TMED3: variants seen among roughly 807,000 people sequenced by gnomAD.
TMED3 encodes the protein transmembrane p24 trafficking protein 3, also known as transmembrane emp24 domain-containing protein 3.
In TMED3, 9 loss-of-function variants were observed where a neutral mutation model predicts 15.0. That is an observed-to-expected ratio of 0.60 (90% CI 0.36 to 1.04). TMED3 has a LOEUF of 1.04. TMED3 is among the 50% of genes least tolerant of loss of function. The pLI is 0.01. For missense variants in TMED3, 267 were observed against 278.9 expected, an observed-to-expected ratio of 0.96 and a Z score of 0.30; for synonymous variants, 117 against 121.4, an observed-to-expected ratio of 0.96 and a Z score of 0.24.
intron 2 of TMED3, among the ~76,000 whole-genome samples, chr15:79,339,760 A>C (rs2058843438): frequency 6.6e-6 from 1 of 150,514 alleles, no homozygotes; most frequent in Non-Finnish European, 1.5e-5. Flanking sequence ...GATAGTGGTG[A>C]TTATGGTGGT....
chr15:79,355,701 C>T (rs2058916202), intron 2 of TMED3, among the ~76,000 whole-genome samples: 1 of 152,152 alleles, frequency 6.6e-6, no homozygotes. Context: ...TCAGACTAGT[C>T]TCGGGATCTG....
intron 2 of TMED3, among the ~76,000 whole-genome samples, chr15:79,344,582 C>T (rs959496010): frequency 3.9e-5 from 6 of 152,114 alleles, no homozygotes; most frequent in African/African-American, 1.4e-4. Flanking sequence ...GATTTAGGGT[C>T]CTCTAATGCA....
At chr15:79,345,439 G>C (rs1185124647) in intron 2 of TMED3, among the ~76,000 whole-genome samples, 1 of 152,164 alleles carries the variant, frequency 6.6e-6, no homozygotes, top group East Asian at 1.9e-4. Flanking sequence ...TAAGGATAAT[G>C]ACCTCCAGCT....
At chr15:79,321,798 T>C (rs954239038) in intron 2 of TMED3, among the ~76,000 whole-genome samples, 180 bp from the exon 3 acceptor site, 8 of 152,228 alleles carry the variant, frequency 5.3e-5, no homozygotes, top group African/African-American at 9.6e-5. Context: ...ACTTAACCTC[T>C]CTGAGCTTCA....
chr15:79,401,974 G>A (rs1375471473), intron 2 of TMED3, among the ~76,000 whole-genome samples: 1 of 152,038 alleles, frequency 6.6e-6, no homozygotes, highest in Non-Finnish European at 1.5e-5. Flanking sequence ...AGTGATGGAG[G>A]CGAGGGCAGG....
At chr15:79,354,204 C>G (rs1057253070) in intron 2 of TMED3, among the ~76,000 whole-genome samples, 11 of 152,050 alleles carry the variant, frequency 7.2e-5, no homozygotes, top group Admixed American at 3.3e-4. Context: ...ATTCTTGTCA[C>G]TAATTTCTTT....
chr15:79,351,143 G>T (rs1004290903), intron 2 of TMED3, among the ~76,000 whole-genome samples: 2 of 152,188 alleles, frequency 1.3e-5, no homozygotes, highest in Admixed American at 1.3e-4. Flanking sequence ...TTGCCATCAT[G>T]ATAGGAGGCT....
At chr15:79,331,542 C>CAAAAAAAAAAAAAAAAAAGGAAAAAAAAA (rs2058808634) in intron 2 of TMED3, among the ~76,000 whole-genome samples, 1 of 89,288 alleles carries the variant, frequency 1.1e-5, no homozygotes, top group Non-Finnish European at 2.1e-5. Context: ...GCAAAAGAAG[C>CAAAAAAAAAAAAAAAAAAGGAAAAAAAAA]AAAAAAAAAA....
intron 2 of TMED3, among the ~76,000 whole-genome samples, chr15:79,362,083 C>T (rs376804191): frequency 6.6e-6 from 1 of 152,052 alleles, no homozygotes; most frequent in Admixed American, 6.6e-5. Context: ...GTAAACCAGT[C>T]AGTTTATCAG....
intron 2 of TMED3, among the ~76,000 whole-genome samples, chr15:79,316,955 A>T (rs1448905316): frequency 6.6e-6 from 1 of 152,116 alleles, no homozygotes; most frequent in African/African-American, 2.4e-5. Context: ...ATCTCAGCGG[A>T]TGGGGAAGTA....
chr15:79,369,122 A>G (rs1893291268), intron 2 of TMED3, among the ~76,000 whole-genome samples: 1 of 151,818 alleles, frequency 6.6e-6, no homozygotes. Flanking sequence ...AAATGCAAAT[A>G]TAGCCTTTTA....
intron 2 of TMED3, among the ~76,000 whole-genome samples, chr15:79,366,820 G>A (rs1175590583): frequency 1.3e-5 from 2 of 152,208 alleles, no homozygotes; most frequent in East Asian, 3.9e-4. Flanking sequence ...GTGACTTTGA[G>A]GAAGGAGTTG....
At chr15:79,383,889 G>A (rs1264334196) in intron 2 of TMED3, 1 of 152,224 alleles carries the variant, frequency 6.6e-6, no homozygotes, top group East Asian at 1.9e-4. Context: ...TGGGGGTAAA[G>A]AGCCAAAACT....
rs71150909 is a variant in TMED3 at position 79,410,698 on chromosome 15, GTA to G, written c.418-685_418-684del. Among the ~76,000 whole-genome samples the G allele has an allele frequency of 3.6e-3, 537 of 148,656 alleles. 1 individual carries two copies. The highest frequency in any genetic ancestry group is 0.011 in the African/African-American group (456 of 40,484). ...TATATATATGTGTATATGTGTGTGT[GTA>G]TATATATATATATATACATTCTCGT... On this transcript the variant is annotated intron_variant, in intron 2 of 2. Coordinates refer to the TMED3 transcript ENST00000424155.
chr15:79,357,996 A>G (rs1893046682), intron 2 of TMED3, among the ~76,000 whole-genome samples: 1 of 152,110 alleles, frequency 6.6e-6, no homozygotes, highest in Non-Finnish European at 1.5e-5. Flanking sequence ...CTATTAATGT[A>G]CCCGTCTCGG....
At chr15:79,396,167 TTCCA>T (rs1353933698) in intron 2 of TMED3, among the ~76,000 whole-genome samples, 1 of 152,222 alleles carries the variant, frequency 6.6e-6, no homozygotes, top group Non-Finnish European at 1.5e-5. Flanking sequence ...TTCTTTCTGG[TTCCA>T]TCAGTTCTAC....
At chr15:79,402,325 C>T (rs1395362264) in intron 2 of TMED3, among the ~76,000 whole-genome samples, 3 of 152,172 alleles carry the variant, frequency 2.0e-5, no homozygotes, top group Non-Finnish European at 4.4e-5. Context: ...AGGTTATACA[C>T]GTGTGAGTGA....
intron 2 of TMED3, among the ~76,000 whole-genome samples, chr15:79,356,587 T>A (rs1479498786): frequency 6.6e-6 from 1 of 152,058 alleles, no homozygotes; most frequent in East Asian, 1.9e-4. Context: ...ATGCACTCTC[T>A]CAGATGGTGA....
chr15:79,409,760 G>A (rs1893947720), intron 2 of TMED3, among the ~76,000 whole-genome samples: 1 of 152,202 alleles, frequency 6.6e-6, no homozygotes, highest in Non-Finnish European at 1.5e-5. Flanking sequence ...CCGAGTGACA[G>A]CTATGTATTA....
Sources: allele counts gnomAD v4.1 joint callset (sites outside exome capture counted in the v4.1 genomes callset), GRCh38; gene constraint gnomAD v4.1.1; transcripts MANE v1.5; gene names NCBI Gene and HGNC (gene_info 2026-07-23, HGNC 2026-07-21).